SUN5: variants seen among roughly 807,000 people sequenced by gnomAD.
SUN5 encodes the protein Sad1 and UNC84 domain containing 5.
In SUN5, 44 loss-of-function variants were observed where a neutral mutation model predicts 53.7. The ratio of observed to expected loss-of-function variants is 0.82; its 90% CI spans 0.64 to 1.05. SUN5 has a LOEUF of 1.05. Ranked by LOEUF, SUN5 falls within the 50% of genes least tolerant of loss-of-function variation. The probability of loss-of-function intolerance (pLI) is 0.00; values close to 1 mark genes in which losing one functional copy is unlikely to be tolerated. For missense variants in SUN5, 433 were observed against 483.8 expected (o/e 0.90, Z 0.98); for synonymous variants, 166 against 179.8 (o/e 0.92, Z 0.62).
rs779170152 is a variant in SUN5 at position 32,985,837 on chromosome 20, C to T, written c.796G>A (p.Ala266Thr). The change falls in exon 11 of 13, where the codon GCT becomes ACT. Residue 266 changes from alanine (A) to threonine (T), a missense_variant. By Grantham distance (58) the Ala-to-Thr change is moderately conservative. Transcript: ENST00000356173. Reference protein sequence around the residue: ...GDRGQVTIQLAQKVYLSNLTL... With the variant: ...GDRGQVTIQLTQKVYLSNLTL... ...AGGTTGGACAGGTAAACCTTCTGAGCCAATTGGATGGTCACCTGGCCGCGG... is the reference window on the plus strand; with the variant it reads ...AGGTTGGACAGGTAAACCTTCTGAGTCAATTGGATGGTCACCTGGCCGCGG... The T allele has an allele frequency of 4.3e-6, 7 of 1,614,094 alleles. No individual in the cohort carries two copies. In the South Asian group the frequency reaches 6.6e-5, roughly 15 times the overall value.
At chr20:32,994,760 G>C (rs987961360) in intron 8 of SUN5, among the ~76,000 whole-genome samples, 1 of 150,190 alleles carries the variant, frequency 6.7e-6, no homozygotes, top group Non-Finnish European at 1.5e-5. Flanking sequence ...TTAGCTGAGC[G>C]TGGTAATGTG....
At chr20:33,001,155 G>GTCCCCAGCTGCCATTTCCCAC in intron 4 of SUN5, 57 bp downstream of exon 4, 3 of 1,534,868 alleles carry the variant, frequency 2.0e-6, no homozygotes, top group Non-Finnish European at 2.7e-6. Context: ...GGCTGTTATG[G>GTCCCCAGCTGCCATTTCCCAC]TCCCCAGCTG....
rs888152369 is a variant in SUN5, at chr20:32,988,832, G to A, written c.613+788C>T. On this transcript the variant is annotated intron_variant, in intron 9 of 12. Coordinates refer to ENST00000356173, the MANE Select transcript of SUN5 (RefSeq NM_080675.4). ...TTGAACTTCTGACCTCAGGTGATCCGCCTTCCTCGGCCTCCCAAAGTGCTG... is the reference window on the plus strand; with the variant it reads ...TTGAACTTCTGACCTCAGGTGATCCACCTTCCTCGGCCTCCCAAAGTGCTG... Among the ~76,000 whole-genome samples the A allele has an allele frequency of 3.9e-5, 6 of 152,072 alleles. No homozygotes were observed. The South Asian group carries it at 8.3e-4, about 21-fold the overall frequency.
intron 8 of SUN5, among the ~76,000 whole-genome samples, chr20:32,990,804 C>T (rs1005925134): frequency 2.0e-5 from 3 of 152,326 alleles, no homozygotes; most frequent in Non-Finnish European, 4.4e-5. Context: ...TACCATGGAA[C>T]ACAGACAAGC....
chr20:33,001,563 T>C (rs562692627), intron 3 of SUN5, among the ~76,000 whole-genome samples: 22 of 91,266 alleles, frequency 2.4e-4, no homozygotes, highest in African/African-American at 6.5e-4. Flanking sequence ...TCTTTCTTTC[T>C]TTTCTTCCTT....
chr20:32,987,099 C>G (rs1396549098), intron 10 of SUN5, among the ~76,000 whole-genome samples: 4 of 152,204 alleles, frequency 2.6e-5, no homozygotes, highest in Non-Finnish European at 4.4e-5. Flanking sequence ...AATGAAGGCA[C>G]CTGCTTTGTG....
intron 8 of SUN5, among the ~76,000 whole-genome samples, chr20:32,994,056 C>A (rs555756054): frequency 3.7e-4 from 57 of 152,318 alleles, no homozygotes; most frequent in African/African-American, 1.3e-3. Context: ...GGGTGAGAGA[C>A]ACATTTGGAG....
chr20:32,986,550 G>C (rs1263429692), intron 10 of SUN5, among the ~76,000 whole-genome samples: 1 of 152,218 alleles, frequency 6.6e-6, no homozygotes, highest in African/African-American at 2.4e-5. Flanking sequence ...GCAGGGGGCT[G>C]TGGGTGTCAG....
chr20:32,985,618 C>T, intron 11 of SUN5, 118 bp downstream of exon 11: 1 of 1,307,702 alleles, frequency 7.6e-7, no homozygotes, highest in Non-Finnish European at 1.0e-6. Context: ...AACCAAGCTG[C>T]ATTCAGCCCC....
intron 4 of SUN5, 56 bp from the exon 5 acceptor site, chr20:33,000,191 C>T: frequency 1.0e-5 from 16 of 1,543,498 alleles, no homozygotes; most frequent in Middle Eastern, 4.2e-4. Flanking sequence ...GCCAAGTGTT[C>T]ACCCTCCTCC....
intron 1 of SUN5, 143 bp from the exon 2 acceptor site, chr20:33,003,062 C>T (rs1190556440): frequency 4.3e-6 from 4 of 939,564 alleles, no homozygotes; most frequent in South Asian, 1.6e-5. Context: ...CAGGGACAGA[C>T]CCAGGTCTGG....
intron 10 of SUN5, among the ~76,000 whole-genome samples, chr20:32,986,211 C>A (rs1164406336): frequency 6.6e-6 from 1 of 152,202 alleles, no homozygotes; most frequent in Non-Finnish European, 1.5e-5. Flanking sequence ...ATTCATCCCT[C>A]CCATTATTCT....
At chr20:33,000,251 T>C in intron 4 of SUN5, 116 bp from the exon 5 acceptor site, 1 of 1,247,310 alleles carries the variant, frequency 8.0e-7, no homozygotes, top group Non-Finnish European at 1.1e-6. Context: ...TCCCTTCTTC[T>C]CTCCCTGGTA....
Position 32,995,671 on chromosome 20 carries a change from C to G in SUN5, c.482G>C (p.Ser161Thr), listed in dbSNP as rs1166632859. ...GAGCTTGGCAATGAGCTGGTTCATG[C>G]TACCTCGGAGGTCCTGGATTTCCCC... is the stretch of plus-strand genomic sequence containing the variant. ...HSGEIQDLRG[S>T]MNQLIAKLQE... Residue 161 changes from serine (S) to threonine (T), a missense_variant, in exon 8 of 13, where the codon AGC becomes ACC. By Grantham distance (58) the Ser-to-Thr change is moderately conservative. Coordinates refer to ENST00000356173, the MANE Select transcript of SUN5 (RefSeq NM_080675.4). 1 of 1,614,160 alleles carries G rather than the reference C, an allele frequency of 6.2e-7. No homozygotes were observed. The highest frequency in any genetic ancestry group is 8.5e-7 in the Non-Finnish European group (1 of 1,180,024).
At chr20:32,999,764 C>T in intron 5 of SUN5, 2 of 707,824 alleles carry the variant, frequency 2.8e-6, no homozygotes, top group East Asian at 3.0e-5. Context: ...GATTCCTTTG[C>T]TTGGGAAAGC....
At chr20:32,994,739 A>G (rs1031687465) in intron 8 of SUN5, among the ~76,000 whole-genome samples, 5 of 152,160 alleles carry the variant, frequency 3.3e-5, no homozygotes, top group African/African-American at 1.2e-4. Flanking sequence ...TCTCCACTAA[A>G]AATATAAAAA....
intron 8 of SUN5, 69 bp downstream of exon 8, chr20:32,995,550 G>T: frequency 7.5e-7 from 1 of 1,335,902 alleles, no homozygotes; most frequent in Non-Finnish European, 1.1e-6. Flanking sequence ...AAGAACACTT[G>T]AGGTATAGGA....
At chr20:32,996,963 G>A (rs576172443) in intron 6 of SUN5, among the ~76,000 whole-genome samples, 51 of 152,284 alleles carry the variant, frequency 3.3e-4, no homozygotes, top group African/African-American at 1.2e-3. Flanking sequence ...AACATTGCTG[G>A]GGTGAATAGG....
intron 11 of SUN5, 43 bp from the exon 12 acceptor site, chr20:32,985,228 G>A (rs1300684896): frequency 6.3e-7 from 1 of 1,583,886 alleles, no homozygotes; most frequent in Non-Finnish European, 8.7e-7. Context: ...ATACAAGCAG[G>A]GCCCTCAGAG....
Sources: gnomAD v4.1 joint callset for allele counts (sites outside exome capture counted in the v4.1 genomes callset) on GRCh38, gnomAD v4.1.1 for gene constraint, MANE v1.5 for transcripts, NCBI Gene and HGNC (gene_info 2026-07-23, HGNC 2026-07-21) for gene names.